The following PDE1C variants were observed in gnomAD, a reference collection of about 807,000 sequenced individuals.
PDE1C encodes phosphodiesterase 1C.
A neutral mutation model predicts 93.1 loss-of-function variants in PDE1C; 62 were observed. The observed-to-expected ratio is 0.67, with a 90% CI of 0.54 to 0.82. The LOEUF (loss-of-function observed/expected upper bound fraction) is 0.82, where lower values mean the gene tolerates loss of function less well. PDE1C is among the 40% of genes least tolerant of loss of function. PDE1C has a pLI of 0.00. For synonymous variants in PDE1C, 325 were observed against 310.1 expected (o/e 1.05, Z -0.50); for missense variants, 742 against 884.6 (o/e 0.84, Z 2.04).
chr7:32,321,765 T>C (rs1783295769), intron 1 of PDE1C, among the ~76,000 whole-genome samples: 1 of 152,224 alleles, frequency 6.6e-6, no homozygotes, highest in Non-Finnish European at 1.5e-5. Flanking sequence ...GGCAGGGTTT[T>C]TTCTACGAAT....
intron 5 of PDE1C, 66 bp downstream of exon 5, chr7:31,877,904 T>C (rs777579955): frequency 2.5e-5 from 26 of 1,025,914 alleles, no homozygotes; most frequent in Admixed American, 4.4e-5. Context: ...TCTTATTTTC[T>C]AACAAATTTA....
intron 1 of PDE1C, among the ~76,000 whole-genome samples, chr7:32,343,654 T>TA (rs1481716999): frequency 3.3e-5 from 5 of 152,252 alleles, no homozygotes; most frequent in Non-Finnish European, 5.9e-5. Flanking sequence ...GAGTTGCTTT[T>TA]AAAATCTATT....
At position 32,237,083 on chromosome 7, in the gene PDE1C, C is replaced by CT. The variant is rs34122130; in HGVS notation, c.86-27545dup. Among the ~76,000 whole-genome samples the CT allele has an allele frequency of 1.7e-3, 206 of 121,916 alleles. 2 individuals carry two copies. Among genetic ancestry groups the CT allele is most frequent in the African/African-American group, 4.2e-3 (139 of 33,250 alleles). The allele number at this position is 121,916 out of a possible 152,430, so 80.0% of individuals were successfully genotyped here. A position where few individuals can be genotyped will look rare whatever the true frequency, so the allele number is the denominator to read the frequency against. ...TGCATGAATCTATTCATGTAATATT[C>CT]TTTTTTTTTTTTTTTTTTTTTAAGA... On this transcript the variant is annotated intron_variant, in intron 1 of 18. Transcript: ENST00000396193.
rs558546845 is a variant in PDE1C at position 31,979,879 on chromosome 7, C to G, written c.128+71675G>C. On this transcript the variant is annotated intron_variant, in intron 2 of 17. Coordinates refer to ENST00000396191, the MANE Select transcript of PDE1C (RefSeq NM_001191057.4). Reference sequence around the variant, plus strand: ...CAGATGCTGGTATCCATCTTCCTGACAGGTGACAGGTAGTACCAACACTCT... The same window carrying G: ...CAGATGCTGGTATCCATCTTCCTGAGAGGTGACAGGTAGTACCAACACTCT... Among the ~76,000 whole-genome samples the G allele has an allele frequency of 1.5e-4, 23 of 152,316 alleles. No individual in the cohort carries two copies. The South Asian group carries it at 4.8e-3, about 32-fold the overall frequency.
intron 2 of PDE1C, among the ~76,000 whole-genome samples, chr7:31,915,511 A>G (rs1801770305): frequency 6.6e-6 from 1 of 152,212 alleles, no homozygotes. Context: ...ATGCTACTTA[A>G]GCATTTTTCT....
intron 17 of PDE1C, among the ~76,000 whole-genome samples, chr7:31,757,252 C>G (rs1396622960): frequency 6.6e-6 from 1 of 152,138 alleles, no homozygotes; most frequent in Non-Finnish European, 1.5e-5. Context: ...ATAGGAAAAT[C>G]TGGAAGAACA....
chr7:31,909,140 G>A (rs1042718342), intron 2 of PDE1C, among the ~76,000 whole-genome samples: 2 of 152,078 alleles, frequency 1.3e-5, no homozygotes, highest in African/African-American at 4.8e-5. Context: ...AACTCCGACT[G>A]AGGCAATTAC....
intron 17 of PDE1C, among the ~76,000 whole-genome samples, chr7:31,760,569 A>T (rs1288190091): frequency 6.6e-6 from 1 of 152,306 alleles, no homozygotes; most frequent in East Asian, 1.9e-4. Context: ...GAACCTCTTC[A>T]GGTGAGCATC....
At chr7:31,772,262 C>T (rs1795540096) in intron 17 of PDE1C, among the ~76,000 whole-genome samples, 1 of 152,104 alleles carries the variant, frequency 6.6e-6, no homozygotes, top group East Asian at 1.9e-4. Flanking sequence ...AATGTCCTTC[C>T]ATCTCTCTAG....
At chr7:31,922,500 T>C in intron 2 of PDE1C, among the ~76,000 whole-genome samples, 1 of 152,238 alleles carries the variant, frequency 6.6e-6, no homozygotes, top group East Asian at 1.9e-4. Flanking sequence ...TATAAATGTT[T>C]ATTTTCTTTA....
At chr7:32,039,160 AG>A (rs1486761186) in intron 2 of PDE1C, among the ~76,000 whole-genome samples, 3 of 152,192 alleles carry the variant, frequency 2.0e-5, no homozygotes, top group Non-Finnish European at 4.4e-5. Context: ...CCCAGCAAAC[AG>A]GCACTGTTTG....
At chr7:31,801,760 T>G (rs1212284716) in intron 16 of PDE1C, among the ~76,000 whole-genome samples, 1 of 151,556 alleles carries the variant, frequency 6.6e-6, no homozygotes, top group African/African-American at 2.4e-5. Context: ...ATTCCTGTCT[T>G]TGTTCTGATA....
At chr7:32,027,219 C>A (rs1789556001) in intron 2 of PDE1C, among the ~76,000 whole-genome samples, 1 of 152,068 alleles carries the variant, frequency 6.6e-6, no homozygotes, top group Non-Finnish European at 1.5e-5. Flanking sequence ...AAATGCTCCA[C>A]CCTGGTGGGC....
At chr7:32,388,653 T>A (rs1025204265) in intron 1 of PDE1C, among the ~76,000 whole-genome samples, 2 of 129,300 alleles carry the variant, frequency 1.5e-5, no homozygotes, top group East Asian at 4.3e-4. Flanking sequence ...AACTCCAGCC[T>A]GTGAGAAAGA....
At chr7:31,724,620 A>G in the PDE1C span, among the ~76,000 whole-genome samples, 2 of 152,180 alleles carry the variant, frequency 1.3e-5, no homozygotes, top group Non-Finnish European at 2.9e-5. Context: ...TCTTCATAGA[A>G]ATTATAACTA....
the PDE1C span, among the ~76,000 whole-genome samples, chr7:31,699,391 G>C: frequency 1.3e-5 from 2 of 152,168 alleles, no homozygotes; most frequent in African/African-American, 4.8e-5. Flanking sequence ...CCTTCACAGA[G>C]GATTTTTTGG....
At chr7:32,412,471 A>T (rs1443910404) in intron 1 of PDE1C, among the ~76,000 whole-genome samples, 2 of 151,950 alleles carry the variant, frequency 1.3e-5, no homozygotes, top group Non-Finnish European at 2.9e-5. Context: ...AAAAAAAAAA[A>T]AGTTTAGCAA....
chr7:31,917,143 G>A (rs1390245393), intron 2 of PDE1C, among the ~76,000 whole-genome samples: 1 of 152,062 alleles, frequency 6.6e-6, no homozygotes, highest in African/African-American at 2.4e-5. Context: ...CCGCCTATAG[G>A]TAAATGGTCC....
chr7:31,898,239 T>C (rs1014476318), intron 2 of PDE1C, among the ~76,000 whole-genome samples: 2 of 152,138 alleles, frequency 1.3e-5, no homozygotes, highest in Admixed American at 6.5e-5. Flanking sequence ...AAAGAATCTA[T>C]GGTTATTGTG....
Sources: gnomAD v4.1 joint callset for allele counts (sites outside exome capture counted in the v4.1 genomes callset) on GRCh38, gnomAD v4.1.1 for gene constraint, MANE v1.5 for transcripts, NCBI Gene and HGNC (gene_info 2026-07-23, HGNC 2026-07-21) for gene names.